Variants in IWS1 observed in about 807,000 individuals in gnomAD.
IWS1 encodes interacts with SUPT6H, CTD assembly factor 1, also known as protein IWS1 homolog.
Under a neutral mutation model 86.7 loss-of-function variants are expected in IWS1, and 27 were observed. That is an observed-to-expected ratio of 0.31 (90% CI 0.23 to 0.43). The LOEUF (loss-of-function observed/expected upper bound fraction) is 0.43, where lower values mean the gene tolerates loss of function less well. Among genes scored for constraint, IWS1 ranks in the 20% least tolerant of loss-of-function variants. The pLI, the probability that IWS1 is intolerant of heterozygous loss-of-function variation, is 1.00. For missense variants in IWS1, 827 were observed against 1,000.8 expected (o/e 0.83, Z 2.34); for synonymous variants, 313 against 335.1 (o/e 0.93, Z 0.72).
In IWS1 at chr2:127,493,317, G is replaced by A; in HGVS notation, c.1893C>T (p.Leu631=). The A allele has an allele frequency of 6.2e-7, 1 of 1,613,528 alleles. No homozygotes were observed. The highest frequency in any genetic ancestry group is 8.5e-7 in the Non-Finnish European group (1 of 1,179,852). ...TCTTCAGCAGCTCCTCCCGGATCTTGAGTGCAGGCAAACTCCTATCTGGTA... is the reference window on the plus strand; with the variant it reads ...TCTTCAGCAGCTCCTCCCGGATCTTAAGTGCAGGCAAACTCCTATCTGGTA... ...SPLPDRSLPA[L]KIREELLKIL... Residue 631 remains leucine (L), a synonymous_variant, in exon 9 of 14, where the codon CTC becomes CTT. Transcript: ENST00000295321.
chr2:127,482,988 C>A (rs1461154211), intron 13 of IWS1: 1 of 146,918 alleles, frequency 6.8e-6, no homozygotes, highest in East Asian at 2.0e-4. Flanking sequence ...AAGTAAAAAA[C>A]AAACCCAATA....
intron 6 of IWS1, among the ~76,000 whole-genome samples, chr2:127,496,648 T>C (rs1414374097): frequency 6.6e-6 from 1 of 151,676 alleles, no homozygotes; most frequent in Non-Finnish European, 1.5e-5. Context: ...ACAATCATAG[T>C]TCACCGTAGC....
chr2:127,486,715 G>C, intron 12 of IWS1, 51 bp from the exon 13 acceptor site: 5 of 1,372,350 alleles, frequency 3.6e-6, no homozygotes, highest in Non-Finnish European at 4.2e-6. Context: ...AGCCACAGTG[G>C]GGCACATAGG....
intron 13 of IWS1, among the ~76,000 whole-genome samples, chr2:127,483,772 G>A (rs2105018051): frequency 6.6e-6 from 1 of 152,066 alleles, no homozygotes; most frequent in African/African-American, 2.4e-5. Context: ...TAGGACTACA[G>A]ATGTATGCCA....
At position 127,518,489 on chromosome 2, in the gene IWS1, G is replaced by A. The variant is rs763913351; in HGVS notation, c.150+5187C>T. Among the ~76,000 whole-genome samples, 5 of 151,996 alleles carry A rather than the reference G, an allele frequency of 3.3e-5. No individual in the cohort carries two copies. The East Asian group carries it at 5.8e-4, about 18-fold the overall frequency. ...TGATTGTGCCACTACACTCCAGCCC[G>A]GGCGACAGTGTAAGATTCTGCCTCA... is the stretch of plus-strand genomic sequence containing the variant. On this transcript the variant is annotated intron_variant, in intron 2 of 13. Coordinates refer to ENST00000295321, the MANE Select transcript of IWS1 (RefSeq NM_017969.3).
At chr2:127,520,041 C>T (rs1456353388) in intron 2 of IWS1, among the ~76,000 whole-genome samples, 1 of 152,150 alleles carries the variant, frequency 6.6e-6, no homozygotes, top group African/African-American at 2.4e-5. Context: ...TGGACTTGAC[C>T]TCCAGAATTA....
intron 1 of IWS1, 118 bp downstream of exon 1, chr2:127,526,056 CG>C: frequency 1.1e-6 from 1 of 949,108 alleles, no homozygotes; most frequent in South Asian, 1.6e-5. Context: ...CTCCTCGGGC[CG>C]GGTCGCGGGA....
chr2:127,526,555 C>T, upstream of IWS1: 3 of 1,427,576 alleles, frequency 2.1e-6, no homozygotes, highest in Non-Finnish European at 2.8e-6. Context: ...AATGAGAAGA[C>T]GCAACAGCAA....
chr2:127,491,845 A>G (rs1227702976), intron 10 of IWS1, 126 bp downstream of exon 10: 1 of 658,972 alleles, frequency 1.5e-6, no homozygotes, highest in Non-Finnish European at 2.7e-6. Context: ...AGTTATTCAA[A>G]AATTTCTATT....
At chr2:127,498,321 A>C in intron 5 of IWS1, 84 bp from the exon 6 acceptor site, 1 of 1,328,660 alleles carries the variant, frequency 7.5e-7, no homozygotes, top group Non-Finnish European at 1.0e-6. Context: ...AAAGTAATTC[A>C]TTCACAAAGA....
intron 4 of IWS1, 90 bp downstream of exon 4, chr2:127,503,297 A>G: frequency 1.1e-6 from 1 of 910,888 alleles, no homozygotes. Context: ...AAAGACATGC[A>G]ATTAGGCAGG....
Position 127,480,940 on chromosome 2 carries a change from G to T in IWS1, c.*104C>A. ...CCTATGACAACATCTGATACACGCTGAACCATTTACAGACACACTAAAAAT... is the reference window on the plus strand; with the variant it reads ...CCTATGACAACATCTGATACACGCTTAACCATTTACAGACACACTAAAAAT... On this transcript the variant is annotated 3_prime_UTR_variant, in exon 14 of 14. Transcript: ENST00000295321. 7.8e-7 allele frequency: 1 copy of T among 1,285,626 alleles called. No homozygotes were observed. The highest frequency in any genetic ancestry group is 1.1e-6 in the Non-Finnish European group (1 of 932,228). The allele number at this position is 1,285,626 out of a possible 1,614,324, so 79.6% of individuals were successfully genotyped here. A position where few individuals can be genotyped will look rare whatever the true frequency, so the allele number is the denominator to read the frequency against.
At chr2:127,525,125 A>AGGGG (rs1692328571) in intron 1 of IWS1, among the ~76,000 whole-genome samples, 1 of 110,650 alleles carries the variant, frequency 9.0e-6, no homozygotes, top group African/African-American at 3.5e-5. Flanking sequence ...GGGGTGGGGT[A>AGGGG]CGGGCATGGG....
chr2:127,505,916 C>T lies in IWS1; in HGVS notation c.151-164G>A, dbSNP rs570464202. 1.6e-5 allele frequency: 8 copies of T among 488,148 alleles called. No individual in the cohort carries two copies. In the East Asian group the frequency reaches 2.5e-4, roughly 16 times the overall value. 30.2% of individuals were successfully genotyped at this position (488,148 alleles called of 1,614,324 possible). ...ATATAGAAACACCCCCACAGAAAGCCAATCAGTGAAATGGTTTTATTTGGA... is the reference window on the plus strand; with the variant it reads ...ATATAGAAACACCCCCACAGAAAGCTAATCAGTGAAATGGTTTTATTTGGA... On this transcript the variant is annotated intron_variant, in intron 2 of 13. Transcript: ENST00000295321. This position sits in a 1 kb window ranked among gnomAD's most constrained non-coding sequence, Gnocchi z 5.0.
At chr2:127,492,312 AG>A (rs2104668735) in intron 9 of IWS1, among the ~76,000 whole-genome samples, 2 of 152,336 alleles carry the variant, frequency 1.3e-5, no homozygotes, top group East Asian at 3.9e-4. Flanking sequence ...TGGGAGGCTG[AG>A]GCGGGTGGAT....
chr2:127,494,647 G>A, intron 8 of IWS1: 2 of 342,568 alleles, frequency 5.8e-6, no homozygotes, highest in Non-Finnish European at 1.0e-5. Context: ...TAGTTTCCAA[G>A]TTTTTCTTTC....
intron 6 of IWS1, 106 bp from the exon 7 acceptor site, chr2:127,496,254 G>A: frequency 8.3e-7 from 1 of 1,210,050 alleles, no homozygotes; most frequent in African/African-American, 1.6e-5. Flanking sequence ...ACTCAATGAA[G>A]TGCTACCTTC....
rs565788541 is a variant in IWS1, at chr2:127,521,242, T to A, written c.150+2434A>T. On this transcript the variant is annotated intron_variant, in intron 2 of 13. Coordinates refer to ENST00000295321, the MANE Select transcript of IWS1 (RefSeq NM_017969.3). ...ACTCCAGCCTGGGACAGAGTGAGAC[T>A]CTGTCTCAAAATATATACATAGAAA... 7.2e-5 allele frequency among the ~76,000 whole-genome samples: 11 copies of A among 152,256 alleles called. No homozygotes were observed. In the South Asian group the frequency reaches 8.3e-4, roughly 11 times the overall value.
intron 10 of IWS1, among the ~76,000 whole-genome samples, chr2:127,490,236 C>CATTTATTTAAAATTTTT (rs1690154598): frequency 6.6e-6 from 1 of 152,134 alleles, no homozygotes; most frequent in African/African-American, 2.4e-5. Flanking sequence ...TCATAAAAGA[C>CATTTATTTAAAATTTTT]ATTTATTTAA....
Sources: gnomAD v4.1 joint callset for allele counts (sites outside exome capture counted in the v4.1 genomes callset) on GRCh38, gnomAD v4.1.1 for gene constraint, Gnocchi (gnomAD v3.1) non-coding constraint, MANE v1.5 for transcripts, NCBI Gene and HGNC (gene_info 2026-07-23, HGNC 2026-07-21) for gene names.